The following IQSEC2 variants were observed in gnomAD, a reference collection of about 807,000 sequenced individuals.
IQSEC2 encodes the protein IQ motif and Sec7 domain ArfGEF 2, also known as IQ motif and SEC7 domain-containing protein 2.
A neutral mutation model predicts 74.6 loss-of-function variants in IQSEC2; 6 were observed. That is an observed-to-expected ratio of 0.08 (90% CI 0.04 to 0.16). The LOEUF (loss-of-function observed/expected upper bound fraction) is 0.16, where lower values mean the gene tolerates loss of function less well. Ranked by LOEUF, IQSEC2 falls within the 10% of genes least tolerant of loss-of-function variation. IQSEC2 has a pLI of 1.00. For missense variants in IQSEC2, 734 were observed against 1,306.2 expected (o/e 0.56, Z 6.75); for synonymous variants, 494 against 544.5 (o/e 0.91, Z 1.29).
chrX:53,316,239 C>A (rs1463519653), intron 1 of IQSEC2, among the ~76,000 whole-genome samples: 2 of 111,879 alleles, frequency 1.8e-5, no homozygotes, highest in Non-Finnish European at 3.8e-5. Context: ...TGCCCCAGAT[C>A]TAGATAGAGA....
At chrX:53,245,434 T>TAA (rs113052977) in intron 8 of IQSEC2, among the ~76,000 whole-genome samples, 639 of 89,782 alleles carry the variant, frequency 7.1e-3, no homozygotes, top group African/African-American at 7.7e-3. Context: ...TCTCTAAAAA[T>TAA]AAAAAAAAAA....
intron 9 of IQSEC2, 111 bp from the exon 10 acceptor site, chrX:53,242,020 C>G: frequency 1.2e-5 from 11 of 930,610 alleles, no homozygotes; most frequent in Non-Finnish European, 1.5e-5. Flanking sequence ...ATGTGTGTCA[C>G]TCTGACACAA....
intron 2 of IQSEC2, among the ~76,000 whole-genome samples, chrX:53,277,917 C>G (rs1371006795): frequency 9.0e-6 from 1 of 110,712 alleles, no homozygotes. Flanking sequence ...GTGATCCACC[C>G]ACCTTGGCCT....
rs2075418080 is a variant in IQSEC2 at position 53,320,478 on chromosome X, C to T, written c.646G>A (p.Gly216Ser). 1 of 1,165,408 alleles carries T rather than the reference C, an allele frequency of 8.6e-7. No homozygotes were observed. Among genetic ancestry groups the T allele is most frequent in the Non-Finnish European group, 1.1e-6 (1 of 872,222 alleles). ...SRGASRSSSP[G>S]AGGGHSTSTS... is the part of the protein sequence containing the mutation. The stretch of plus-strand genomic sequence containing the variant: ...CTGGTGCTGTGGCCTCCGCCGGCGC[C>T]GGGACTGGAGCTCCTGGATGCGCCA... The change falls in exon 1 of 15, where the codon GGC (glycine) becomes AGC (serine). Residue 216 changes from glycine to serine, a missense_variant. Transcript: ENST00000642864.
At chrX:53,319,335 C>G (rs2146543586) in intron 1 of IQSEC2, among the ~76,000 whole-genome samples, 1 of 111,786 alleles carries the variant, frequency 8.9e-6, no homozygotes. Flanking sequence ...CAAATCTGAG[C>G]TGGAGGGGTA....
intron 2 of IQSEC2, among the ~76,000 whole-genome samples, chrX:53,259,565 C>T (rs1222751584): frequency 1.8e-5 from 2 of 109,399 alleles, no homozygotes; most frequent in African/African-American, 6.7e-5. Context: ...CTTTGGTAGG[C>T]TGAGGTAGGA....
intron 2 of IQSEC2, among the ~76,000 whole-genome samples, chrX:53,269,569 C>A (rs2074708436): frequency 9.0e-6 from 1 of 110,662 alleles, no homozygotes; most frequent in Admixed American, 9.6e-5. Flanking sequence ...AATAAAAACC[C>A]TCTATCTGCC....
intron 4 of IQSEC2, among the ~76,000 whole-genome samples, chrX:53,253,518 TA>T (rs1393688608): frequency 8.9e-6 from 1 of 112,234 alleles, no homozygotes; most frequent in African/African-American, 3.2e-5. Flanking sequence ...AACGCCTATG[TA>T]AGCAACACCC....
rs782666080 is a variant in IQSEC2, at chrX:53,251,084, T to C, written c.1492A>G (p.Lys498Glu). 6.6e-6 allele frequency: 8 copies of C among 1,211,332 alleles called. No individual in the cohort carries two copies. The highest frequency in any genetic ancestry group is 8.9e-6 in the Non-Finnish European group (8 of 895,341). Residue 498 changes from lysine to glutamate, a missense_variant, in exon 5 of 15, where the codon AAG becomes GAG. Lys to Glu is a moderately conservative substitution (Grantham distance 56). Around this residue, in one of 12 missense-constraint regions of IQSEC2, gnomAD observed 204 missense variants for 305.4 expected, o/e 0.67. Transcript: ENST00000642864. ...SEEPGSAQLE[K>E]RESKEQQEDS... is the part of the protein sequence containing the mutation. Reference sequence around the variant, plus strand: ...TCTTGCTGTTCCTTTGACTCCCGCTTCTCCAGCTGGGCTGACCCTGGCTCC... The same window carrying C: ...TCTTGCTGTTCCTTTGACTCCCGCTCCTCCAGCTGGGCTGACCCTGGCTCC...
rs957057964 is a variant in IQSEC2 at position 53,234,664 on chromosome X, C to T, written c.4022G>A (p.Arg1341Lys). Residue 1341 changes from arginine (R) to lysine (K), a missense_variant, in exon 15 of 15, where the codon AGG (arginine) becomes AAG (lysine). This residue lies in a region of IQSEC2 where 249 missense variants were observed against 467.9 expected (regional missense o/e 0.53). Coordinates refer to ENST00000642864, the MANE Select transcript of IQSEC2 (RefSeq NM_001111125.3). ...PQHYTLGRPG[R>K]APRRGAGGHP... ...TCCTCCAGCCCCCCGTCTGGGTGCC[C>T]TGCCTGGCCGGCCCAAGGTATAGTG... 19 of 1,135,814 alleles carry T rather than the reference C, an allele frequency of 1.7e-5. No individual in the cohort carries two copies. The Admixed American group carries it at 5.4e-4, about 32-fold the overall frequency. The allele number at this position is 1,135,814 out of a possible 1,213,427, so 93.6% of individuals were successfully genotyped here.
At chrX:53,305,362 C>T (rs894677171) in intron 1 of IQSEC2, among the ~76,000 whole-genome samples, 1 of 110,751 alleles carries the variant, frequency 9.0e-6, no homozygotes, top group Non-Finnish European at 1.9e-5. Context: ...TACAGGCATA[C>T]ACCACCACGC....
In IQSEC2 at chrX:53,236,393, T is replaced by G; in HGVS notation, c.3380A>C (p.Asp1127Ala). Residue 1127 changes from aspartate to alanine, a missense_variant, in exon 13 of 15, where the codon GAC (aspartate) becomes GCC (alanine). Physicochemically the swap from Asp to Ala is moderately radical, Grantham distance 126. Around this residue, in one of 12 missense-constraint regions of IQSEC2, gnomAD observed 249 missense variants for 467.9 expected, o/e 0.53. Coordinates refer to ENST00000642864, the MANE Select transcript of IQSEC2 (RefSeq NM_001111125.3). The part of the protein sequence containing the change: ...NGTMARSSLE[D>A]TYGAGDGLKR... ...GAGCCCATCGCCTGCCCCGTAAGTGTCCTCCAGGCTACTGCGGGCCATCGT... is the reference window on the plus strand; with the variant it reads ...GAGCCCATCGCCTGCCCCGTAAGTGGCCTCCAGGCTACTGCGGGCCATCGT... 8.3e-7 allele frequency: 1 copy of G among 1,207,513 alleles called. No homozygotes were observed. The highest frequency in any genetic ancestry group is 1.1e-6 in the Non-Finnish European group (1 of 893,238).
At chrX:53,293,826 A>T (rs2075125607) in intron 1 of IQSEC2, among the ~76,000 whole-genome samples, 1 of 112,207 alleles carries the variant, frequency 8.9e-6, no homozygotes, top group Non-Finnish European at 1.9e-5. Flanking sequence ...TGAACAAACT[A>T]TGAGTACCTA....
At chrX:53,304,134 CAAA>C (rs1299610630) in intron 1 of IQSEC2, among the ~76,000 whole-genome samples, 1 of 67,758 alleles carries the variant, frequency 1.5e-5, no homozygotes. Context: ...GACTCTGTCT[CAAA>C]AAAAAAAAAA....
In IQSEC2 at chrX:53,300,506, C is replaced by T. The variant is rs2075200813; in HGVS notation, c.708-8582G>A. Among the ~76,000 whole-genome samples the T allele has an allele frequency of 2.7e-5, 3 of 111,561 alleles. No individual in the cohort carries two copies. The South Asian group carries it at 1.1e-3, about 42-fold the overall frequency. On this transcript the variant is annotated intron_variant, in intron 1 of 14. Coordinates refer to ENST00000642864, the MANE Select transcript of IQSEC2 (RefSeq NM_001111125.3). ...TGTCTATTTCCATGGCTGACTCTCC[C>T]AGCGACTGGGAGCTCCTGGTAGTCA... is the stretch of plus-strand genomic sequence containing the variant.
Position 53,235,720 on chromosome X carries a change from T to C in IQSEC2, c.3501+63A>G, listed in dbSNP as rs1160337782. 15 of 1,108,546 alleles carry C rather than the reference T, an allele frequency of 1.4e-5. No homozygotes were observed. In the African/African-American group the frequency reaches 2.4e-4, roughly 18 times the overall value. 91.4% of individuals were successfully genotyped at this position (1,108,546 alleles called of 1,213,427 possible). On this transcript the variant is annotated intron_variant, in intron 14 of 14. Transcript: ENST00000642864. ...GGGAGCAACAGGTCCCCTCCTCCTC[T>C]GGGTCTCCATGGCCGGGGCAGGGCT... is the stretch of plus-strand genomic sequence containing the variant.
intron 1 of IQSEC2, among the ~76,000 whole-genome samples, chrX:53,292,527 A>G (rs1329364167): frequency 8.9e-6 from 1 of 111,897 alleles, no homozygotes; most frequent in Non-Finnish European, 1.9e-5. Context: ...CAACCTGCTT[A>G]TTTTCCAGAT....
Position 53,291,817 on chromosome X carries a change from C to T in IQSEC2, c.737+78G>A, listed in dbSNP as rs1602349995. 3.2e-6 allele frequency: 3 copies of T among 943,341 alleles called. No homozygotes were observed. In the East Asian group the frequency reaches 1.0e-4, roughly 32 times the overall value. 77.7% of individuals were successfully genotyped at this position (943,341 alleles called of 1,213,427 possible). Reference sequence around the variant, plus strand: ...TGGCCCCTCCCCTTGCCCATGGATCCTGCAGTTACAAACCAGAGGCCCCCA... The same window carrying T: ...TGGCCCCTCCCCTTGCCCATGGATCTTGCAGTTACAAACCAGAGGCCCCCA... On this transcript the variant is annotated intron_variant, in intron 2 of 14. Coordinates refer to ENST00000642864, the MANE Select transcript of IQSEC2 (RefSeq NM_001111125.3).
intron 2 of IQSEC2, among the ~76,000 whole-genome samples, chrX:53,260,044 G>T (rs1602301136): frequency 9.0e-6 from 1 of 111,538 alleles, no homozygotes; most frequent in Admixed American, 9.5e-5. Context: ...GTCTCATTAT[G>T]GGGGGCACAA....
Sources: allele counts gnomAD v4.1 joint callset (sites outside exome capture counted in the v4.1 genomes callset), GRCh38; gene constraint gnomAD v4.1.1; regional missense constraint gnomAD v4.1.1; transcripts MANE v1.5; gene names NCBI Gene and HGNC (gene_info 2026-07-23, HGNC 2026-07-21).